Variants in LRRC4C observed in about 807,000 individuals in gnomAD.
LRRC4C encodes the protein leucine rich repeat containing 4C.
A neutral mutation model predicts 33.6 loss-of-function variants in LRRC4C; 5 were observed. The observed-to-expected ratio is 0.15, with a 90% confidence interval of 0.08 to 0.31. The LOEUF (loss-of-function observed/expected upper bound fraction) is 0.31, where lower values mean the gene tolerates loss of function less well. Among genes scored for constraint, LRRC4C ranks in the 10% least tolerant of loss-of-function variants. LRRC4C has a pLI of 1.00. For synonymous variants in LRRC4C, 329 were observed against 302.0 expected (o/e 1.09, Z -0.93); for missense variants, 560 against 796.7 (o/e 0.70, Z 3.58).
chr11:41,413,975 G>C (rs1000229085), intron 1 of LRRC4C, among the ~76,000 whole-genome samples: 4 of 152,140 alleles, frequency 2.6e-5, no homozygotes, highest in Non-Finnish European at 5.9e-5. Flanking sequence ...TACTTTCAAA[G>C]AAACCTGCTT....
chr11:41,141,709 G>A (rs1803806189), intron 1 of LRRC4C, among the ~76,000 whole-genome samples: 1 of 152,072 alleles, frequency 6.6e-6, no homozygotes, highest in Non-Finnish European at 1.5e-5. Flanking sequence ...CCTGTGAAGA[G>A]GTGCCTCCCA....
At chr11:40,837,034 G>A (rs1303658499) in intron 2 of LRRC4C, among the ~76,000 whole-genome samples, 1 of 151,962 alleles carries the variant, frequency 6.6e-6, no homozygotes, top group Non-Finnish European at 1.5e-5. Context: ...CTTAAAGAAC[G>A]GTGTTAAAAT....
At chr11:41,245,937 G>A (rs1005416305) in intron 1 of LRRC4C, among the ~76,000 whole-genome samples, 1 of 152,140 alleles carries the variant, frequency 6.6e-6, no homozygotes, top group African/African-American at 2.4e-5. Context: ...CTTCAGAGGA[G>A]AGGGAGTGTG....
chr11:40,204,650 G>T (rs1863012536), intron 5 of LRRC4C, among the ~76,000 whole-genome samples: 1 of 152,010 alleles, frequency 6.6e-6, no homozygotes, highest in Non-Finnish European at 1.5e-5. Context: ...TTTCCCTTTG[G>T]ATAAAGACAA....
chr11:40,397,690 C>T (rs1949597021), intron 3 of LRRC4C, among the ~76,000 whole-genome samples: 1 of 151,966 alleles, frequency 6.6e-6, no homozygotes, highest in Non-Finnish European at 1.5e-5. Flanking sequence ...TATTGTCTAG[C>T]TGGACAAATG....
chr11:41,076,455 A>G (rs1422444381), intron 1 of LRRC4C, among the ~76,000 whole-genome samples: 4 of 152,160 alleles, frequency 2.6e-5, no homozygotes, highest in Non-Finnish European at 2.9e-5. Flanking sequence ...AGAAGCAAGC[A>G]CATCTTAACA....
intron 1 of LRRC4C, among the ~76,000 whole-genome samples, chr11:41,017,566 G>A (rs985313652): frequency 1.7e-4 from 26 of 151,968 alleles, no homozygotes; most frequent in Non-Finnish European, 8.8e-5. Flanking sequence ...TCTAGAGACC[G>A]AGGTTATAGC....
At chr11:41,043,201 A>G (rs950914708) in intron 1 of LRRC4C, among the ~76,000 whole-genome samples, 9 of 150,816 alleles carry the variant, frequency 6.0e-5, no homozygotes, top group Non-Finnish European at 1.2e-4. Context: ...CTTGATTCTC[A>G]GAGGCTGAGT....
intron 5 of LRRC4C, among the ~76,000 whole-genome samples, chr11:40,227,952 C>T (rs1293041135): frequency 6.6e-6 from 1 of 152,106 alleles, no homozygotes; most frequent in African/African-American, 2.4e-5. Flanking sequence ...AACCAGAGAG[C>T]AATCTGCATG....
intron 4 of LRRC4C, among the ~76,000 whole-genome samples, chr11:40,304,152 T>A (rs1189260095): frequency 6.6e-6 from 1 of 152,164 alleles, no homozygotes; most frequent in Non-Finnish European, 1.5e-5. Flanking sequence ...CAGACCTGTA[T>A]CAAGTCATTT....
intron 4 of LRRC4C, among the ~76,000 whole-genome samples, chr11:40,264,807 T>C (rs540480373): frequency 6.6e-6 from 1 of 152,340 alleles, no homozygotes; most frequent in South Asian, 2.1e-4. Flanking sequence ...CCACATCTTC[T>C]TCCAGACATC....
At chr11:40,421,198 T>C (rs1204930378) in intron 3 of LRRC4C, among the ~76,000 whole-genome samples, 3 of 152,232 alleles carry the variant, frequency 2.0e-5, no homozygotes, top group Non-Finnish European at 4.4e-5. Flanking sequence ...ATAAGACAGT[T>C]GAAATCTTAG....
intron 1 of LRRC4C, among the ~76,000 whole-genome samples, chr11:41,248,274 C>T (rs1288481029): frequency 1.3e-5 from 2 of 152,176 alleles, no homozygotes; most frequent in Admixed American, 6.5e-5. Context: ...ACTGTCTATA[C>T]TAAGAGTTTA....
At chr11:40,191,404 A>G (rs1053438986) in intron 5 of LRRC4C, among the ~76,000 whole-genome samples, 1 of 152,208 alleles carries the variant, frequency 6.6e-6, no homozygotes, top group African/African-American at 2.4e-5. Context: ...TGCAAATAAT[A>G]TAACTTCTTT....
chr11:40,311,074 C>A (rs1197268458), intron 4 of LRRC4C, among the ~76,000 whole-genome samples: 1 of 152,136 alleles, frequency 6.6e-6, no homozygotes, highest in African/African-American at 2.4e-5. Context: ...TCTGTGCAAC[C>A]ATACTTTATC....
intron 1 of LRRC4C, among the ~76,000 whole-genome samples, chr11:41,374,498 A>G (rs964684821): frequency 6.6e-6 from 1 of 152,190 alleles, no homozygotes; most frequent in Non-Finnish European, 1.5e-5. Context: ...AAATAGTCAA[A>G]TAAATGTAGA....
At chr11:40,122,952 T>TAC (rs371461809) in intron 6 of LRRC4C, among the ~76,000 whole-genome samples, 55,305 of 139,860 alleles carry the variant, frequency 0.4, 11,396 homozygotes, top group Non-Finnish European at 0.48. Context: ...TATATATTTA[T>TAC]ACACACACAC....
intron 1 of LRRC4C, among the ~76,000 whole-genome samples, chr11:41,367,376 T>A (rs1952581868): frequency 6.6e-6 from 1 of 152,058 alleles, no homozygotes; most frequent in Admixed American, 6.5e-5. Flanking sequence ...TATGTTAGAA[T>A]CTTGGGCAAG....
intron 1 of LRRC4C, among the ~76,000 whole-genome samples, chr11:40,967,321 G>A (rs926888181): frequency 4.6e-5 from 7 of 151,942 alleles, no homozygotes; most frequent in Non-Finnish European, 8.8e-5. Context: ...CTTGAAAATA[G>A]GGGATAGGAT....
Sources: allele counts gnomAD v4.1 joint callset (sites outside exome capture counted in the v4.1 genomes callset), GRCh38; gene constraint gnomAD v4.1.1; transcripts MANE v1.5; gene names NCBI Gene and HGNC (gene_info 2026-07-23, HGNC 2026-07-21).